EFNA5: variants seen among roughly 807,000 people sequenced by gnomAD.
EFNA5 encodes ephrin A5.
Under a neutral mutation model 22.9 loss-of-function variants are expected in EFNA5, and 5 were observed. The observed-to-expected ratio is 0.22, with a 90% confidence interval of 0.11 to 0.46. The LOEUF (loss-of-function observed/expected upper bound fraction) is 0.46, where lower values mean the gene tolerates loss of function less well. Among genes scored for constraint, EFNA5 ranks in the 20% least tolerant of loss-of-function variants. The pLI is 0.99. For missense variants in EFNA5, 237 were observed against 293.3 expected, an observed-to-expected ratio of 0.81 and a Z score of 1.40; for synonymous variants, 113 against 112.2, an observed-to-expected ratio of 1.01 and a Z score of -0.04.
chr5:107,451,936 G>A (rs1749569729), intron 1 of EFNA5, among the ~76,000 whole-genome samples: 1 of 152,170 alleles, frequency 6.6e-6, no homozygotes, highest in Non-Finnish European at 1.5e-5. Context: ...TATGTTTATT[G>A]TAGTACTATT....
At chr5:107,640,008 T>C (rs1750469428) in intron 1 of EFNA5, among the ~76,000 whole-genome samples, 1 of 152,182 alleles carries the variant, frequency 6.6e-6, no homozygotes. Flanking sequence ...TGTCTAACAA[T>C]AAGGAACAGT....
intron 1 of EFNA5, among the ~76,000 whole-genome samples, chr5:107,553,614 C>G (rs1748346762): frequency 6.6e-6 from 1 of 152,202 alleles, no homozygotes; most frequent in Non-Finnish European, 1.5e-5. Flanking sequence ...CCTGCTTTCT[C>G]CTAGTGGTAG....
intron 1 of EFNA5, among the ~76,000 whole-genome samples, chr5:107,446,963 A>G (rs1369401654): frequency 1.3e-5 from 2 of 152,184 alleles, no homozygotes; most frequent in African/African-American, 4.8e-5. Context: ...CTGCCTTCCC[A>G]AAAGTGAATG....
At chr5:107,607,160 T>C (rs1749740823) in intron 1 of EFNA5, among the ~76,000 whole-genome samples, 2 of 152,226 alleles carry the variant, frequency 1.3e-5, no homozygotes, top group Non-Finnish European at 2.9e-5. Flanking sequence ...ATATGAAGTG[T>C]ATATCCTAAA....
chr5:107,659,769 CA>C (rs1750907455), intron 1 of EFNA5, among the ~76,000 whole-genome samples: 1 of 151,836 alleles, frequency 6.6e-6, no homozygotes, highest in African/African-American at 2.4e-5. Context: ...AAATAATATT[CA>C]AAATAACGAG....
intron 1 of EFNA5, among the ~76,000 whole-genome samples, chr5:107,453,214 T>G (rs575179209): frequency 6.6e-6 from 1 of 152,176 alleles, no homozygotes; most frequent in East Asian, 1.9e-4. Flanking sequence ...TAGAAAGATG[T>G]GAAGGCTATT....
intron 1 of EFNA5, among the ~76,000 whole-genome samples, chr5:107,436,215 T>C (rs1749106151): frequency 6.6e-6 from 1 of 152,224 alleles, no homozygotes; most frequent in Admixed American, 6.5e-5. Context: ...TCCTCCAGTG[T>C]TGTAACTCAT....
chr5:107,502,766 C>T (rs1232918003), intron 1 of EFNA5, among the ~76,000 whole-genome samples: 2 of 152,158 alleles, frequency 1.3e-5, no homozygotes, highest in Admixed American at 6.6e-5. Flanking sequence ...GATGGAACGA[C>T]TCGCAGGCAT....
At chr5:107,553,768 T>C (rs1233898476) in intron 1 of EFNA5, among the ~76,000 whole-genome samples, 1 of 152,190 alleles carries the variant, frequency 6.6e-6, no homozygotes, top group African/African-American at 2.4e-5. Context: ...ATTTTCCTTC[T>C]ACCAAATGAA....
At chr5:107,545,648 G>C (rs1421178634) in intron 1 of EFNA5, among the ~76,000 whole-genome samples, 2 of 152,090 alleles carry the variant, frequency 1.3e-5, no homozygotes, top group East Asian at 3.9e-4. Flanking sequence ...AAGCCACTTG[G>C]AGCTCCTCGG....
chr5:107,543,865 T>C (rs922676918), intron 1 of EFNA5, among the ~76,000 whole-genome samples: 1 of 152,224 alleles, frequency 6.6e-6, no homozygotes, highest in South Asian at 2.1e-4. Flanking sequence ...GGATTTCAAA[T>C]ACCGAACCTA....
At chr5:107,471,086 C>A (rs530328922) in intron 1 of EFNA5, among the ~76,000 whole-genome samples, 25 of 152,228 alleles carry the variant, frequency 1.6e-4, no homozygotes, top group African/African-American at 4.6e-4. Context: ...GTCTCCTTAT[C>A]GCCTCCCAAT....
chr5:107,487,475 G>A (rs1746663879), intron 1 of EFNA5, among the ~76,000 whole-genome samples: 1 of 152,206 alleles, frequency 6.6e-6, no homozygotes, highest in South Asian at 2.1e-4. Flanking sequence ...CAGAAATAAT[G>A]AATGAATAAA....
At chr5:107,593,667 C>T (rs933768715) in intron 1 of EFNA5, among the ~76,000 whole-genome samples, 7 of 152,110 alleles carry the variant, frequency 4.6e-5, no homozygotes, top group Non-Finnish European at 1.0e-4. Flanking sequence ...TGATTCTAAA[C>T]ATGCAGCCAG....
chr5:107,542,474 A>G (rs901995715), intron 1 of EFNA5, among the ~76,000 whole-genome samples: 2 of 151,904 alleles, frequency 1.3e-5, no homozygotes, highest in African/African-American at 2.4e-5. Flanking sequence ...TCTAAGTTCC[A>G]TAAGTAGAGT....
At chr5:107,632,150 C>T (rs1015162782) in intron 1 of EFNA5, among the ~76,000 whole-genome samples, 1 of 152,144 alleles carries the variant, frequency 6.6e-6, no homozygotes, top group Non-Finnish European at 1.5e-5. Context: ...ACCTCTCTCC[C>T]GTCTCCTTTC....
chr5:107,424,990 T>G (rs1748773094), intron 2 of EFNA5, among the ~76,000 whole-genome samples: 2 of 152,188 alleles, frequency 1.3e-5, no homozygotes, highest in African/African-American at 4.8e-5. Context: ...TTTTGTGCTA[T>G]TTTACCTTTC....
chr5:107,465,785 G>T (rs1258259874), intron 1 of EFNA5, among the ~76,000 whole-genome samples: 1 of 151,898 alleles, frequency 6.6e-6, no homozygotes, highest in Non-Finnish European at 1.5e-5. Flanking sequence ...TATATCACGA[G>T]GGGAGAAAAA....
intron 1 of EFNA5, among the ~76,000 whole-genome samples, chr5:107,616,025 G>A (rs1036396162): frequency 2.0e-5 from 3 of 152,150 alleles, no homozygotes; most frequent in Non-Finnish European, 4.4e-5. Context: ...ATTTTAAGCA[G>A]GGGGTTAGAG....
Sources: gnomAD v4.1 joint callset for allele counts (sites outside exome capture counted in the v4.1 genomes callset) on GRCh38, gnomAD v4.1.1 for gene constraint, MANE v1.5 for transcripts, NCBI Gene and HGNC (gene_info 2026-07-23, HGNC 2026-07-21) for gene names.